The following ATP13A4 variants were observed in gnomAD, a reference collection of about 807,000 sequenced individuals.
ATP13A4 encodes ATPase 13A4.
ATP13A4 carries 114 observed loss-of-function variants against 142.5 expected under a neutral mutation model. That is an observed-to-expected ratio of 0.80 (90% confidence interval 0.69 to 0.93). The LOEUF is 0.93. Among genes scored for constraint, ATP13A4 ranks in the 40% least tolerant of loss-of-function variants. The pLI, the probability that ATP13A4 is intolerant of heterozygous loss-of-function variation, is 0.00. For missense variants in ATP13A4, 1,392 were observed against 1,454.0 expected, an observed-to-expected ratio of 0.96 and a Z score of 0.69; for synonymous variants, 488 against 514.8, an observed-to-expected ratio of 0.95 and a Z score of 0.70.
chr3:193,425,728 AG>A (rs1261794292), intron 25 of ATP13A4, among the ~76,000 whole-genome samples: 3 of 151,772 alleles, frequency 2.0e-5, no homozygotes, highest in African/African-American at 7.2e-5. Context: ...AGAGAGGAGA[AG>A]GGGATGGAGA....
At position 193,457,415 on chromosome 3, in the gene ATP13A4, A is replaced by T. The variant is rs752377835; in HGVS notation, c.1725T>A (p.His575Gln). The T allele has an allele frequency of 1.9e-6, 3 of 1,614,232 alleles. No homozygotes were observed. Among genetic ancestry groups the T allele is most frequent in the South Asian group, 2.2e-5 (2 of 91,088 alleles). ...DDFHIKGVPAHAMVVKPCRTA... is the reference protein window; with the variant it reads ...DDFHIKGVPAQAMVVKPCRTA... ...TTCTGCAGGGCTTAACTACCATGGCATGTGCCGGCACTCCCTTGATGTGGA... is the reference window on the plus strand; with the variant it reads ...TTCTGCAGGGCTTAACTACCATGGCTTGTGCCGGCACTCCCTTGATGTGGA... The change falls in exon 15 of 30, where the codon CAT becomes CAA. Residue 575 changes from histidine to glutamine, a missense_variant. Coordinates refer to ENST00000342695, the MANE Select transcript of ATP13A4 (RefSeq NM_032279.4).
At position 193,438,553 on chromosome 3, in the gene ATP13A4, A is replaced by G. The variant is rs761508820; in HGVS notation, c.2594T>C (p.Leu865Ser). 9.3e-6 allele frequency: 15 copies of G among 1,614,080 alleles called. No homozygotes were observed. Among genetic ancestry groups the G allele is most frequent in the Non-Finnish European group, 1.3e-5 (15 of 1,180,032 alleles). Residue 865 changes from leucine (L) to serine (S), a missense_variant, in exon 23 of 30, where the codon TTA (leucine) becomes TCA (serine). Physicochemically the swap from Leu to Ser is moderately radical, Grantham distance 145. Coordinates refer to ENST00000342695, the MANE Select transcript of ATP13A4 (RefSeq NM_032279.4). ...ALKMAHVGISLSEQEASVASP... is the reference protein window; with the variant it reads ...ALKMAHVGISSSEQEASVASP... ...GGCCACAGATGCCTCCTGCTCTGATAATGAGATGCCCACATGAGCCATTTT... is the reference window on the plus strand; with the variant it reads ...GGCCACAGATGCCTCCTGCTCTGATGATGAGATGCCCACATGAGCCATTTT...
chr3:193,508,154 C>T (rs779285319), intron 2 of ATP13A4, among the ~76,000 whole-genome samples: 65 of 152,136 alleles, frequency 4.3e-4, no homozygotes, highest in Non-Finnish European at 8.1e-4. Context: ...AGAGGCCTCA[C>T]CAGAAACCAA....
upstream of ATP13A4, among the ~76,000 whole-genome samples, chr3:193,558,907 T>G (rs932012552): frequency 1.3e-5 from 2 of 152,182 alleles, no homozygotes; most frequent in African/African-American, 4.8e-5. Flanking sequence ...GACAAATACT[T>G]AGCTACCTCT....
intron 2 of ATP13A4, among the ~76,000 whole-genome samples, chr3:193,511,767 C>T (rs1442654521): frequency 6.6e-6 from 1 of 152,062 alleles, no homozygotes; most frequent in Non-Finnish European, 1.5e-5. Context: ...CGTTTGACTC[C>T]TTCATTCTCA....
intron 18 of ATP13A4, among the ~76,000 whole-genome samples, chr3:193,445,508 G>T (rs1051040732): frequency 1.3e-5 from 2 of 151,852 alleles, no homozygotes; most frequent in African/African-American, 4.8e-5. Context: ...TATAATCCCA[G>T]CACTTTGGGA....
chr3:193,459,380 C>T, intron 13 of ATP13A4, 149 bp from the exon 14 acceptor site: 4 of 1,037,300 alleles, frequency 3.9e-6, no homozygotes, highest in Non-Finnish European at 5.7e-6. Flanking sequence ...ATTAATAGTG[C>T]TTCATTCAGC....
rs149608842 is a variant in ATP13A4, at chr3:193,457,615, G to A, written c.1675-150C>T. The A allele has an allele frequency of 1.6e-3, 1,187 of 740,190 alleles. 7 individuals are homozygous for A. The African/African-American group carries it at 0.018, about 11-fold the overall frequency. The allele number at this position is 740,190 out of a possible 1,614,324, so 45.9% of individuals were successfully genotyped here. ...CTCAGAGGTGAACCAGATTTATTCC[G>A]CCACAGAAAAAAAGAATGCATTGAA... On this transcript the variant is annotated intron_variant, in intron 14 of 29. Transcript: ENST00000342695.
intron 6 of ATP13A4, 114 bp from the exon 7 acceptor site, chr3:193,489,978 C>A (rs1276893837): frequency 2.5e-6 from 3 of 1,205,772 alleles, no homozygotes; most frequent in Non-Finnish European, 3.5e-6. Context: ...ACACAATATT[C>A]TTATTATATT....
intron 1 of ATP13A4, among the ~76,000 whole-genome samples, chr3:193,586,184 T>C (rs2108749193): frequency 6.6e-6 from 1 of 152,252 alleles, no homozygotes; most frequent in South Asian, 2.1e-4. Context: ...AAATGGATTG[T>C]TCATCTTAGT....
At chr3:193,474,667 G>A (rs9823222) in intron 8 of ATP13A4, among the ~76,000 whole-genome samples, 71,111 of 137,708 alleles carry the variant, frequency 0.52, 17,529 homozygotes, top group African/African-American at 0.62. Context: ...AAGAAAGAAA[G>A]AAAAAGAAAG....
chr3:193,425,855 T>TA (rs1212776256), intron 25 of ATP13A4, among the ~76,000 whole-genome samples: 4 of 151,712 alleles, frequency 2.6e-5, no homozygotes, highest in African/African-American at 9.7e-5. Context: ...TCAAAATTGC[T>TA]AAAAAAGAGA....
intron 2 of ATP13A4, among the ~76,000 whole-genome samples, chr3:193,568,498 T>C (rs1724190089): frequency 6.6e-6 from 1 of 152,208 alleles, no homozygotes; most frequent in African/African-American, 2.4e-5. Context: ...TAGAATGGGC[T>C]AGGAGAGCAT....
chr3:193,534,166 G>T (rs944422804), intron 1 of ATP13A4, among the ~76,000 whole-genome samples: 1 of 152,176 alleles, frequency 6.6e-6, no homozygotes, highest in African/African-American at 2.4e-5. Flanking sequence ...ATCAATGGAG[G>T]TTGAGTGGGC....
intron 25 of ATP13A4, among the ~76,000 whole-genome samples, chr3:193,415,023 T>C (rs1576937022): frequency 6.6e-6 from 1 of 152,306 alleles, no homozygotes; most frequent in Non-Finnish European, 1.5e-5. Flanking sequence ...ATATACTCTC[T>C]CATATATTGC....
chr3:193,492,403 T>C (rs1006618022), intron 5 of ATP13A4, among the ~76,000 whole-genome samples: 1 of 152,196 alleles, frequency 6.6e-6, no homozygotes, highest in Non-Finnish European at 1.5e-5. Context: ...TAAACCTCTC[T>C]CCTCTGCCTA....
chr3:193,440,766 C>A (rs189065323), intron 20 of ATP13A4, 129 bp from the exon 21 acceptor site: 4 of 966,802 alleles, frequency 4.1e-6, no homozygotes, highest in African/African-American at 1.6e-5. Flanking sequence ...TTCCAATGAG[C>A]CTTCCTTTGG....
At chr3:193,457,314 C>T in intron 15 of ATP13A4, 65 bp downstream of exon 15, 1 of 1,594,498 alleles carries the variant, frequency 6.3e-7, no homozygotes, top group East Asian at 2.2e-5. Context: ...CTTTCAAAAA[C>T]TGGGGGCCAG....
intron 2 of ATP13A4, among the ~76,000 whole-genome samples, chr3:193,506,738 C>T (rs1017732837): frequency 6.6e-5 from 10 of 152,110 alleles, no homozygotes; most frequent in Admixed American, 1.3e-4. Flanking sequence ...TAAGTTATCA[C>T]GAGCTCTGAT....
Sources: gnomAD v4.1 joint callset for allele counts (sites outside exome capture counted in the v4.1 genomes callset) on GRCh38, gnomAD v4.1.1 for gene constraint, MANE v1.5 for transcripts, NCBI Gene and HGNC (gene_info 2026-07-23, HGNC 2026-07-21) for gene names.